The following ZNF385D variants were observed in gnomAD, a reference collection of about 807,000 sequenced individuals.
The protein encoded by ZNF385D is zinc finger protein 385D.
Under a neutral mutation model 35.8 loss-of-function variants are expected in ZNF385D, and 15 were observed. That is an observed-to-expected ratio of 0.42 (90% CI 0.28 to 0.64). The LOEUF (loss-of-function observed/expected upper bound fraction) is 0.64, where lower values mean the gene tolerates loss of function less well. Ranked by LOEUF, ZNF385D falls within the 30% of genes least tolerant of loss-of-function variation. ZNF385D has a pLI of 0.23. For missense variants in ZNF385D, 474 were observed against 494.6 expected (o/e 0.96, Z 0.39); for synonymous variants, 212 against 186.8 (o/e 1.13, Z -1.10).
At chr3:21,488,199 A>G (rs533954422) in intron 4 of ZNF385D, among the ~76,000 whole-genome samples, 3 of 151,986 alleles carry the variant, frequency 2.0e-5, no homozygotes, top group South Asian at 4.2e-4. Context: ...TTTCCCTGCC[A>G]TGTACTTCAA....
chr3:21,702,265 A>C (rs113685399), intron 1 of ZNF385D, among the ~76,000 whole-genome samples: 37,918 of 152,194 alleles, frequency 0.25, 5,893 homozygotes, highest in South Asian at 0.36. Flanking sequence ...TGCAGGCTTA[A>C]CACCACATAG....
intron 3 of ZNF385D, among the ~76,000 whole-genome samples, chr3:22,036,361 A>G (rs906808280): frequency 7.2e-5 from 11 of 152,216 alleles, no homozygotes; most frequent in African/African-American, 2.4e-4. Context: ...TTTTGGCCCA[A>G]TGAGACAAAT....
At chr3:21,439,557 C>A (rs1701756327) in intron 4 of ZNF385D, among the ~76,000 whole-genome samples, 1 of 152,064 alleles carries the variant, frequency 6.6e-6, no homozygotes, top group African/African-American at 2.4e-5. Flanking sequence ...CCTGCTCTAA[C>A]AACTTTTCCT....
chr3:21,972,401 CA>C (rs1703312787), intron 3 of ZNF385D, among the ~76,000 whole-genome samples: 1 of 151,710 alleles, frequency 6.6e-6, no homozygotes, highest in Non-Finnish European at 1.5e-5. Context: ...AATGGAAATA[CA>C]ACATACAAAA....
chr3:21,790,569 A>T (rs944267208), intron 3 of ZNF385D, among the ~76,000 whole-genome samples: 1 of 152,214 alleles, frequency 6.6e-6, no homozygotes, highest in Non-Finnish European at 1.5e-5. Context: ...TCAGTTCTCT[A>T]GGGCACAGAA....
chr3:22,092,492 T>C (rs1701385065), intron 3 of ZNF385D, among the ~76,000 whole-genome samples: 1 of 152,152 alleles, frequency 6.6e-6, no homozygotes, highest in African/African-American at 2.4e-5. Context: ...CTTCTACTGA[T>C]ATCTTCCTGA....
chr3:21,470,870 C>T (rs1036792600), intron 4 of ZNF385D, among the ~76,000 whole-genome samples: 1 of 152,030 alleles, frequency 6.6e-6, no homozygotes, highest in East Asian at 1.9e-4. Context: ...CCTTTATAAA[C>T]CTGGAACACA....
At chr3:21,514,665 C>T (rs554590599) in intron 3 of ZNF385D, among the ~76,000 whole-genome samples, 4 of 151,876 alleles carry the variant, frequency 2.6e-5, no homozygotes, top group Admixed American at 1.3e-4. Flanking sequence ...TATCTCTGTA[C>T]CTCATTTCTG....
intron 3 of ZNF385D, among the ~76,000 whole-genome samples, chr3:22,107,664 C>T (rs902539798): frequency 6.6e-6 from 1 of 151,898 alleles, no homozygotes; most frequent in Non-Finnish European, 1.5e-5. Context: ...ATTAAATAAT[C>T]CTATCAAAAG....
intron 3 of ZNF385D, among the ~76,000 whole-genome samples, chr3:22,140,857 T>C (rs1347572476): frequency 1.3e-5 from 2 of 152,202 alleles, no homozygotes; most frequent in Non-Finnish European, 2.9e-5. Flanking sequence ...AGTTAATTAG[T>C]TCCATTATTA....
At position 22,118,670 on chromosome 3, in the gene ZNF385D, G is replaced by A. The variant is rs953910905; in HGVS notation, c.325+50147C>T. 2.0e-5 allele frequency among the ~76,000 whole-genome samples: 3 copies of A among 151,992 alleles called. No homozygotes were observed. The South Asian group carries it at 6.2e-4, about 32-fold the overall frequency. On this transcript the variant is annotated intron_variant, in intron 3 of 5. Transcript: ENST00000494108. ...TGGTGTGGAAGAACAGCCTCTCGAT[G>A]GTTAAGACAAACAAAGAGCAGATAG...
intron 3 of ZNF385D, among the ~76,000 whole-genome samples, chr3:21,949,225 T>G (rs1191070190): frequency 1.3e-5 from 2 of 152,196 alleles, no homozygotes. Context: ...ATACTACAAA[T>G]ATCTTCCCTG....
chr3:21,994,284 A>C (rs556760389), intron 3 of ZNF385D, among the ~76,000 whole-genome samples: 2 of 152,228 alleles, frequency 1.3e-5, no homozygotes, highest in African/African-American at 4.8e-5. Flanking sequence ...TGATACAGGG[A>C]AAGTGATAAG....
intron 2 of ZNF385D, among the ~76,000 whole-genome samples, chr3:22,234,132 T>A (rs984701561): frequency 6.6e-6 from 1 of 152,146 alleles, no homozygotes; most frequent in Admixed American, 6.5e-5. Context: ...ACTAGGTAAG[T>A]AAATGCATTA....
chr3:22,313,275 G>A (rs1703684538), intron 2 of ZNF385D, among the ~76,000 whole-genome samples: 1 of 150,580 alleles, frequency 6.6e-6, no homozygotes, highest in African/African-American at 2.5e-5. Context: ...GGGAGGGATA[G>A]CATTAGGAGA....
At chr3:22,020,001 T>A (rs1697126923) in intron 3 of ZNF385D, among the ~76,000 whole-genome samples, 2 of 151,928 alleles carry the variant, frequency 1.3e-5, no homozygotes, top group Admixed American at 1.3e-4. Context: ...AATGACTGCA[T>A]AAATGCTTTG....
At chr3:22,004,441 T>A (rs760254604) in intron 3 of ZNF385D, among the ~76,000 whole-genome samples, 4 of 152,094 alleles carry the variant, frequency 2.6e-5, no homozygotes, top group Non-Finnish European at 5.9e-5. Context: ...GAGATTATAT[T>A]AAACTAAAAA....
intron 3 of ZNF385D, among the ~76,000 whole-genome samples, chr3:21,878,532 A>G (rs1024836319): frequency 8.1e-5 from 2 of 24,746 alleles, no homozygotes; most frequent in African/African-American, 5.1e-4. Context: ...TATCTGCATG[A>G]AGTCCTTATT....
chr3:21,879,801 A>G (rs1698182124), intron 3 of ZNF385D, among the ~76,000 whole-genome samples: 1 of 152,004 alleles, frequency 6.6e-6, no homozygotes, highest in Non-Finnish European at 1.5e-5. Flanking sequence ...ATAACACTAC[A>G]GTTGGTTTTA....
Sources: allele counts gnomAD v4.1 joint callset (sites outside exome capture counted in the v4.1 genomes callset), GRCh38; gene constraint gnomAD v4.1.1; transcripts MANE v1.5; gene names NCBI Gene and HGNC (gene_info 2026-07-23, HGNC 2026-07-21).